The following B3GALT1 variants were observed in gnomAD, a reference collection of about 807,000 sequenced individuals.
The protein encoded by B3GALT1 is beta-1,3-galactosyltransferase 1, also known as UDP-Gal:betaGlcNAc beta 1,3-galactosyltransferase, polypeptide 1.
A neutral mutation model predicts 23.2 loss-of-function variants in B3GALT1; 10 were observed. The observed-to-expected ratio is 0.43, with a 90% CI of 0.27 to 0.73. The LOEUF (loss-of-function observed/expected upper bound fraction) is 0.73. B3GALT1 is among the 30% of genes least tolerant of loss of function. B3GALT1 has a pLI of 0.21. For missense variants in B3GALT1, 299 were observed against 405.4 expected (o/e 0.74, Z 2.25); for synonymous variants, 156 against 141.5 (o/e 1.10, Z -0.73).
chr2:167,473,266 G>A (rs972757643), intron 1 of B3GALT1, among the ~76,000 whole-genome samples: 2 of 152,046 alleles, frequency 1.3e-5, no homozygotes, highest in Non-Finnish European at 2.9e-5. Flanking sequence ...ATCAACCTGG[G>A]AAGATATTTT....
At chr2:167,443,219 G>A (rs1024458344) in intron 1 of B3GALT1, among the ~76,000 whole-genome samples, 3 of 151,884 alleles carry the variant, frequency 2.0e-5, no homozygotes, top group Admixed American at 6.6e-5. Flanking sequence ...GCTCTGTTCT[G>A]TTCCATTGAT....
chr2:167,380,986 T>C (rs983507606), intron 1 of B3GALT1, among the ~76,000 whole-genome samples: 1 of 152,188 alleles, frequency 6.6e-6, no homozygotes, highest in African/African-American at 2.4e-5. Flanking sequence ...TCTTGCTGTT[T>C]CCAAGTGGTT....
At chr2:167,845,060 C>T (rs1039973531) in intron 4 of B3GALT1, among the ~76,000 whole-genome samples, 1 of 152,108 alleles carries the variant, frequency 6.6e-6, no homozygotes, top group Non-Finnish European at 1.5e-5. Flanking sequence ...GGGAATCTCA[C>T]CCCCATCCCC....
At chr2:167,312,691 T>G (rs904620362) in intron 1 of B3GALT1, among the ~76,000 whole-genome samples, 2 of 152,108 alleles carry the variant, frequency 1.3e-5, no homozygotes, top group African/African-American at 4.8e-5. Context: ...AACTGTATCC[T>G]GTTTTCAAAG....
chr2:167,346,720 A>G (rs933248133), intron 1 of B3GALT1, among the ~76,000 whole-genome samples: 2 of 133,138 alleles, frequency 1.5e-5, no homozygotes, highest in African/African-American at 5.6e-5. Context: ...CTGCATGATT[A>G]ATTTCTGAGT....
chr2:167,537,019 A>G (rs1018730675), intron 2 of B3GALT1, among the ~76,000 whole-genome samples: 1 of 152,150 alleles, frequency 6.6e-6, no homozygotes, highest in African/African-American at 2.4e-5. Flanking sequence ...CTGAAGCCTA[A>G]CATGGTGATT....
chr2:167,839,452 C>G (rs1689579323), intron 4 of B3GALT1, among the ~76,000 whole-genome samples: 4 of 152,220 alleles, frequency 2.6e-5, no homozygotes, highest in Non-Finnish European at 5.9e-5. Flanking sequence ...AATAAAATAC[C>G]TAGGAATCCA....
chr2:167,513,068 C>CAAAAAAA (rs544667836), intron 2 of B3GALT1, among the ~76,000 whole-genome samples: 1 of 72,536 alleles, frequency 1.4e-5, no homozygotes, highest in Non-Finnish European at 3.2e-5. Context: ...ATTCATGCCA[C>CAAAAAAA]AAAAAAAAAA....
Position 167,424,758 on chromosome 2 carries a change from C to T in B3GALT1, c.-510-65419C>T, listed in dbSNP as rs566848632. On this transcript the variant is annotated intron_variant, in intron 1 of 4. Coordinates refer to ENST00000392690, the MANE Select transcript of B3GALT1 (RefSeq NM_020981.4). Reference sequence around the variant, plus strand: ...AATAGCCATTCCCTTTTATAGCCAACGGGGTTCTTGTGAGAGATTATAGAA... The same window carrying T: ...AATAGCCATTCCCTTTTATAGCCAATGGGGTTCTTGTGAGAGATTATAGAA... Among the ~76,000 whole-genome samples, 5 of 152,254 alleles carry T rather than the reference C, an allele frequency of 3.3e-5. No individual in the cohort carries two copies. In the East Asian group the frequency reaches 5.8e-4, roughly 18 times the overall value.
rs891542824 is a variant in B3GALT1, at chr2:167,651,156, C to T, written c.-352+4190C>T. Among the ~76,000 whole-genome samples, 4 of 151,714 alleles carry T rather than the reference C, an allele frequency of 2.6e-5. No homozygotes were observed. In the South Asian group the frequency reaches 6.2e-4, roughly 24 times the overall value. On this transcript the variant is annotated intron_variant, in intron 3 of 4. Transcript: ENST00000392690. Reference sequence around the variant, plus strand: ...GAACTCAGAATACTATTGCTCCAGTCCTTCTCATGTTGCCTTCCCTAGAAA... The same window carrying T: ...GAACTCAGAATACTATTGCTCCAGTTCTTCTCATGTTGCCTTCCCTAGAAA...
In B3GALT1 at chr2:167,772,917, TC is replaced by T. The variant is rs972251345; in HGVS notation, c.-351-45753del. Among the ~76,000 whole-genome samples, 41 of 152,320 alleles carry T rather than the reference TC, an allele frequency of 2.7e-4. 1 individual carries two copies. Among genetic ancestry groups the T allele is most frequent in the East Asian group, 1.9e-4 (1 of 5,188 alleles). On this transcript the variant is annotated intron_variant, in intron 3 of 4. Coordinates refer to ENST00000392690, the MANE Select transcript of B3GALT1 (RefSeq NM_020981.4). ...ATTTCCCCAGCCAAAAGTAAACATT[TC>T]CTTTACCCCTTAGGCCAAAGGGATC...
intron 2 of B3GALT1, among the ~76,000 whole-genome samples, chr2:167,595,540 T>G (rs1475668968): frequency 6.6e-6 from 1 of 152,192 alleles, no homozygotes; most frequent in African/African-American, 2.4e-5. Flanking sequence ...CTCTTCATTC[T>G]GTTTTACATT....
chr2:167,410,460 C>T (rs1698372795), intron 1 of B3GALT1, among the ~76,000 whole-genome samples: 1 of 147,526 alleles, frequency 6.8e-6, no homozygotes, highest in South Asian at 2.2e-4. Context: ...CACTGCACTC[C>T]AGCCTGGGCG....
chr2:167,561,043 C>T lies in B3GALT1; in HGVS notation c.-410+70766C>T, dbSNP rs1215001725. Among the ~76,000 whole-genome samples the T allele has an allele frequency of 2.0e-5, 3 of 152,078 alleles. No individual in the cohort carries two copies. In the East Asian group the frequency reaches 5.8e-4, roughly 29 times the overall value. ...ACACCACACCTATTCCAAAATTGAC[C>T]ACATAGTTGGAAGTAAAGCTCTCCT... On this transcript the variant is annotated intron_variant, in intron 2 of 4. Transcript: ENST00000392690.
chr2:167,316,726 T>TAAC (rs1696725959), intron 1 of B3GALT1, among the ~76,000 whole-genome samples: 1 of 152,224 alleles, frequency 6.6e-6, no homozygotes, highest in Non-Finnish European at 1.5e-5. Context: ...TTGCCCAAAG[T>TAAC]AACAAACTAC....
chr2:167,681,376 T>C (rs1243506939), intron 3 of B3GALT1, among the ~76,000 whole-genome samples: 2 of 152,138 alleles, frequency 1.3e-5, no homozygotes, highest in African/African-American at 4.8e-5. Context: ...CCCCAGTGAA[T>C]CTTATAGGTC....
intron 3 of B3GALT1, among the ~76,000 whole-genome samples, chr2:167,803,954 G>A (rs1574270484): frequency 1.3e-5 from 2 of 152,160 alleles, no homozygotes; most frequent in Admixed American, 1.3e-4. Flanking sequence ...AGGGGAATAT[G>A]TATTGCACGA....
rs149879763 is a variant in B3GALT1 at position 167,564,835 on chromosome 2, C to G, written c.-410+74558C>G. Among the ~76,000 whole-genome samples the G allele has an allele frequency of 4.3e-3, 648 of 152,242 alleles. 23 individuals carry two copies. In the East Asian group the frequency reaches 0.083, roughly 20 times the overall value. ...GACCTCTTGAAGGAGAACTACAGAC[C>G]ACTGCTCAATGAAATAAAAGAGGAT... is the stretch of plus-strand genomic sequence containing the variant. On this transcript the variant is annotated intron_variant, in intron 2 of 4. Coordinates refer to ENST00000392690, the MANE Select transcript of B3GALT1 (RefSeq NM_020981.4).
intron 1 of B3GALT1, among the ~76,000 whole-genome samples, chr2:167,359,797 T>C (rs928199901): frequency 5.3e-5 from 8 of 151,922 alleles, no homozygotes; most frequent in Non-Finnish European, 1.0e-4. Flanking sequence ...ATTTGTCTAA[T>C]TAAACCAAGA....
Sources: gnomAD v4.1 joint callset for allele counts (sites outside exome capture counted in the v4.1 genomes callset) on GRCh38, gnomAD v4.1.1 for gene constraint, MANE v1.5 for transcripts, NCBI Gene and HGNC (gene_info 2026-07-23, HGNC 2026-07-21) for gene names.